Variants in RAB27A observed in about 807,000 individuals in gnomAD.
RAB27A encodes the protein ras-related protein Rab-27A.
Under a neutral mutation model 20.8 loss-of-function variants are expected in RAB27A, and 17 were observed. The observed-to-expected ratio is 0.82, with a 90% CI of 0.56 to 1.23. The LOEUF is 1.23. Among genes scored for constraint, RAB27A ranks in the 50% most tolerant of loss-of-function variants. RAB27A has a pLI of 0.00. For missense variants in RAB27A, 277 were observed against 266.7 expected, an observed-to-expected ratio of 1.04 and a Z score of -0.27; for synonymous variants, 85 against 92.8, an observed-to-expected ratio of 0.92 and a Z score of 0.48.
intron 2 of RAB27A, among the ~76,000 whole-genome samples, chr15:55,260,996 T>A (rs1897249090): frequency 6.6e-6 from 1 of 151,772 alleles, no homozygotes; most frequent in Non-Finnish European, 1.5e-5. Context: ...GTATGGGATG[T>A]TGATAGTGGG....
rs183432672 is a variant in RAB27A at position 55,217,810 on chromosome 15, A to G, written c.467+6079T>C. Among the ~76,000 whole-genome samples, 20 of 152,108 alleles carry G rather than the reference A, an allele frequency of 1.3e-4. 1 individual carries two copies. The East Asian group carries it at 3.7e-3, about 28-fold the overall frequency. ...TGGAGCCGTATTGCCAAAGACGAAA[A>G]AATTCAGCACTGCTCATCGTTATTA... On this transcript the variant is annotated intron_variant, in intron 6 of 6. Transcript: ENST00000336787.
At chr15:55,246,915 AG>A (rs1896709542) in intron 2 of RAB27A, among the ~76,000 whole-genome samples, 2 of 152,190 alleles carry the variant, frequency 1.3e-5, no homozygotes, top group South Asian at 4.1e-4. Context: ...CAGACTTCGG[AG>A]TCAAGTTCTC....
intron 3 of RAB27A, among the ~76,000 whole-genome samples, chr15:55,233,148 T>C (rs1896102921): frequency 6.6e-6 from 1 of 151,790 alleles, no homozygotes. Context: ...AAAAAAAAAT[T>C]AACTGCATAC....
rs35313703 is a variant in RAB27A at position 55,286,912 on chromosome 15, C to CTTT, written c.-143+2801_-143+2803dup. Among the ~76,000 whole-genome samples, 178 of 57,166 alleles carry CTTT rather than the reference C, an allele frequency of 3.1e-3. 3 individuals are homozygous for CTTT. Among genetic ancestry groups the CTTT allele is most frequent in the East Asian group, 0.011 (18 of 1,646 alleles). The allele number at this position is 57,166 out of a possible 152,430, so 37.5% of individuals were successfully genotyped here. On this transcript the variant is annotated intron_variant, in intron 1 of 6. Coordinates refer to ENST00000336787, the MANE Select transcript of RAB27A (RefSeq NM_183235.3). Reference sequence around the variant, plus strand: ...AAATGGTTATCATCCTAGATGTATTCTTTTTTTTTTTTTTTTTTTTTTTTT... The same window carrying CTTT: ...AAATGGTTATCATCCTAGATGTATTCTTTTTTTTTTTTTTTTTTTTTTTTTTTT...
At chr15:55,302,538 G>A (rs1195936334) in intron 2 of RAB27A, among the ~76,000 whole-genome samples, 22 of 144,420 alleles carry the variant, frequency 1.5e-4, no homozygotes, top group South Asian at 1.4e-3. Context: ...GCCGCCCATC[G>A]TCTGGGATGC....
Position 55,224,423 on chromosome 15 carries a change from A to G in RAB27A, c.344-411T>C, listed in dbSNP as rs188571829. Among the ~76,000 whole-genome samples, 103 of 152,366 alleles carry G rather than the reference A, an allele frequency of 6.8e-4. 4 individuals carry two copies. The highest frequency in any genetic ancestry group is 5.2e-3 in the Admixed American group (80 of 15,312). On this transcript the variant is annotated intron_variant, in intron 5 of 6. Transcript: ENST00000336787. The stretch of plus-strand genomic sequence containing the variant: ...TTTATGTGTTTTTTTCTCCATAGCA[A>G]TGACATTTCTAAAAGAATTGTTTTT...
intron 6 of RAB27A, among the ~76,000 whole-genome samples, chr15:55,223,624 C>T (rs564087748): frequency 2.3e-4 from 35 of 152,230 alleles, no homozygotes; most frequent in South Asian, 1.9e-3. Context: ...ATACTTAAGG[C>T]GCCTCTGAGA....
intron 2 of RAB27A, among the ~76,000 whole-genome samples, chr15:55,304,125 T>G (rs1336569000): frequency 6.6e-6 from 1 of 152,156 alleles, no homozygotes; most frequent in Non-Finnish European, 1.5e-5. Flanking sequence ...CTAAGAAAGG[T>G]TCCTCTGCCT....
chr15:55,315,888 C>T (rs1031149595), intron 1 of RAB27A, among the ~76,000 whole-genome samples: 2 of 152,202 alleles, frequency 1.3e-5, no homozygotes, highest in Admixed American at 6.5e-5. Context: ...TTTGACCCAG[C>T]AATCCCATTA....
chr15:55,222,752 G>C (rs765578323), intron 6 of RAB27A, among the ~76,000 whole-genome samples: 1 of 151,926 alleles, frequency 6.6e-6, no homozygotes, highest in Non-Finnish European at 1.5e-5. Flanking sequence ...AACCACCAAA[G>C]CCACAAACTA....
rs1310123387 is a variant in RAB27A, at chr15:55,209,814, ATG to A, written c.468-4111_468-4110del. ...TGTGTATGTATACATATATACACAC[ATG>A]TGTGTATATATACATATATGTGTGT... On this transcript the variant is annotated intron_variant, in intron 6 of 6. Transcript: ENST00000336787. Among the ~76,000 whole-genome samples, 16 of 136,766 alleles carry A rather than the reference ATG, an allele frequency of 1.2e-4. 1 individual carries two copies. The highest frequency in any genetic ancestry group is 2.0e-4 in the East Asian group (1 of 4,936). 89.7% of individuals were successfully genotyped at this position (136,766 alleles called of 152,430 possible).
chr15:55,288,813 T>TA (rs1360278007), intron 1 of RAB27A: 2 of 150,166 alleles, frequency 1.3e-5, no homozygotes, highest in African/African-American at 4.9e-5. Flanking sequence ...AGCAAGTTTT[T>TA]AAGGCCGAAA....
intron 2 of RAB27A, chr15:55,238,575 T>C (rs991799314): frequency 1.3e-5 from 2 of 152,180 alleles, no homozygotes; most frequent in Non-Finnish European, 2.9e-5. Context: ...AGCACAATGG[T>C]TGGCATATAC....
At chr15:55,274,069 G>A (rs989318119) in intron 1 of RAB27A, among the ~76,000 whole-genome samples, 2 of 152,152 alleles carry the variant, frequency 1.3e-5, no homozygotes, top group African/African-American at 2.4e-5. Context: ...ACACCGATAT[G>A]TAACTAGAAA....
chr15:55,312,624 G>A (rs1225122599), intron 2 of RAB27A, among the ~76,000 whole-genome samples: 1 of 151,598 alleles, frequency 6.6e-6, no homozygotes, highest in Non-Finnish European at 1.5e-5. Context: ...GTGTGGTTTT[G>A]TTTTCAACGA....
At chr15:55,300,048 C>T (rs1197154718) in intron 2 of RAB27A, among the ~76,000 whole-genome samples, 1 of 151,980 alleles carries the variant, frequency 6.6e-6, no homozygotes. Context: ...TCTCGAGCTC[C>T]TGACCCCGTA....
At chr15:55,298,845 C>G (rs2054960181) in intron 2 of RAB27A, among the ~76,000 whole-genome samples, 1 of 152,220 alleles carries the variant, frequency 6.6e-6, no homozygotes. Context: ...CAATATTTCT[C>G]CCATTTGCTT....
chr15:55,252,888 A>C (rs558820464), intron 2 of RAB27A, among the ~76,000 whole-genome samples: 8 of 151,570 alleles, frequency 5.3e-5, no homozygotes, highest in Admixed American at 3.3e-4. Context: ...TAATCCCAGC[A>C]CTTTGGGAGG....
intron 2 of RAB27A, among the ~76,000 whole-genome samples, chr15:55,236,350 T>G (rs1352492771): frequency 6.6e-6 from 1 of 152,114 alleles, no homozygotes; most frequent in Non-Finnish European, 1.5e-5. Flanking sequence ...TATTAATATG[T>G]ACTACATATT....
Sources: allele counts gnomAD v4.1 joint callset (sites outside exome capture counted in the v4.1 genomes callset), GRCh38; gene constraint gnomAD v4.1.1; transcripts MANE v1.5; gene names NCBI Gene and HGNC (gene_info 2026-07-23, HGNC 2026-07-21).